KIAA1328: variants seen among roughly 807,000 people sequenced by gnomAD.
KIAA1328 encodes the protein protein hinderin.
Under a neutral mutation model 68.1 loss-of-function variants are expected in KIAA1328, and 52 were observed. That is an observed-to-expected ratio of 0.76 (90% confidence interval 0.61 to 0.96). KIAA1328 has a LOEUF of 0.96. Ranked by LOEUF, KIAA1328 falls within the 40% of genes least tolerant of loss-of-function variation. The pLI, the probability that KIAA1328 is intolerant of heterozygous loss-of-function variation, is 0.00. For synonymous variants in KIAA1328, 232 were observed against 239.4 expected (o/e 0.97, Z 0.28); for missense variants, 641 against 677.6 (o/e 0.95, Z 0.60).
intron 4 of KIAA1328, among the ~76,000 whole-genome samples, chr18:36,865,339 A>G (rs918149655): frequency 6.6e-6 from 1 of 152,106 alleles, no homozygotes; most frequent in African/African-American, 2.4e-5. Context: ...ACCATGCCAT[A>G]TAATTTCCAA....
intron 7 of KIAA1328, among the ~76,000 whole-genome samples, chr18:37,114,798 A>C (rs535250940): frequency 1.3e-5 from 2 of 152,326 alleles, no homozygotes; most frequent in South Asian, 4.2e-4. Flanking sequence ...AAGAGAAAGA[A>C]TCAAATAGAT....
intron 5 of KIAA1328, among the ~76,000 whole-genome samples, chr18:36,916,163 T>A (rs530225041): frequency 6.6e-6 from 1 of 151,998 alleles, no homozygotes; most frequent in South Asian, 2.1e-4. Flanking sequence ...TTGCAGTATA[T>A]TTTCCAACTT....
At chr18:37,161,421 T>C (rs1216249174) in intron 8 of KIAA1328, among the ~76,000 whole-genome samples, 1 of 152,218 alleles carries the variant, frequency 6.6e-6, no homozygotes, top group Non-Finnish European at 1.5e-5. Context: ...GATAATTAGT[T>C]CAAATTTTGG....
chr18:36,921,737 C>T (rs997726321), intron 5 of KIAA1328, among the ~76,000 whole-genome samples: 5 of 152,108 alleles, frequency 3.3e-5, no homozygotes, highest in African/African-American at 7.2e-5. Flanking sequence ...ATCCAACTTA[C>T]AGATTTACTA....
rs58940699 is a variant in KIAA1328, at chr18:37,105,916, C to CAAAAAA, written c.1232+38395_1232+38400dup. On this transcript the variant is annotated intron_variant, in intron 7 of 9. Coordinates refer to ENST00000280020, the MANE Select transcript of KIAA1328 (RefSeq NM_020776.3). ...TGGTTGACAGAGCAAGACTCTGTGT[C>CAAAAAA]AAAAAAAAAAAAAAAAAAAAAAAAA... Among the ~76,000 whole-genome samples the CAAAAAA allele has an allele frequency of 5.8e-3, 113 of 19,500 alleles. 13 individuals are homozygous for CAAAAAA. The highest frequency in any genetic ancestry group is 0.013 in the Non-Finnish European group (98 of 7,382). 12.8% of individuals were successfully genotyped at this position (19,500 alleles called of 152,430 possible). A position where few individuals can be genotyped will look rare whatever the true frequency, so the allele number is the denominator to read the frequency against.
intron 4 of KIAA1328, among the ~76,000 whole-genome samples, chr18:36,884,644 G>T (rs922963782): frequency 6.6e-6 from 1 of 152,152 alleles, no homozygotes; most frequent in African/African-American, 2.4e-5. Flanking sequence ...CAAAGAAAAG[G>T]TTTAGATTCC....
chr18:37,099,124 A>G (rs557463297), intron 7 of KIAA1328, among the ~76,000 whole-genome samples: 2 of 152,004 alleles, frequency 1.3e-5, no homozygotes, highest in Non-Finnish European at 2.9e-5. Context: ...TAGCTTTTGA[A>G]TGTGTTTGCT....
chr18:37,172,036 G>C (rs532653881), intron 8 of KIAA1328, among the ~76,000 whole-genome samples: 33 of 152,318 alleles, frequency 2.2e-4, no homozygotes, highest in Non-Finnish European at 3.7e-4. Context: ...CTCTATGCCT[G>C]ATGATTTCAG....
At chr18:37,226,049 A>G (rs2060634698), downstream of KIAA1328, among the ~76,000 whole-genome samples, 2 of 152,172 alleles carry the variant, frequency 1.3e-5, no homozygotes, top group African/African-American at 4.8e-5. Context: ...ATACCCTGTG[A>G]ATAGCCCAGA....
At chr18:37,085,178 G>T (rs1293793615) in intron 7 of KIAA1328, among the ~76,000 whole-genome samples, 1 of 152,128 alleles carries the variant, frequency 6.6e-6, no homozygotes, top group Non-Finnish European at 1.5e-5. Flanking sequence ...GCTGAGGCAG[G>T]TCTGAATGCT....
chr18:36,834,949 G>T (rs1284591059), intron 2 of KIAA1328, among the ~76,000 whole-genome samples: 1 of 152,106 alleles, frequency 6.6e-6, no homozygotes, highest in Non-Finnish European at 1.5e-5. Flanking sequence ...TGGGAGGATT[G>T]CTTGAGCCCA....
chr18:37,092,023 G>T (rs1397656376), intron 7 of KIAA1328, among the ~76,000 whole-genome samples: 1 of 152,034 alleles, frequency 6.6e-6, no homozygotes, highest in Non-Finnish European at 1.5e-5. Context: ...CCTTAGGCTA[G>T]GCCCATTCTA....
intron 5 of KIAA1328, among the ~76,000 whole-genome samples, chr18:36,941,233 A>G (rs912606761): frequency 6.6e-6 from 1 of 152,028 alleles, no homozygotes; most frequent in East Asian, 1.9e-4. Context: ...TACATGTATA[A>G]TTTTTTTCTC....
At chr18:37,199,390 C>T (rs1405323414) in intron 9 of KIAA1328, among the ~76,000 whole-genome samples, 1 of 152,118 alleles carries the variant, frequency 6.6e-6, no homozygotes, top group Non-Finnish European at 1.5e-5. Flanking sequence ...GGATAATGGC[C>T]TCCAGCTTCA....
intron 5 of KIAA1328, among the ~76,000 whole-genome samples, chr18:36,950,531 A>G (rs2051115798): frequency 6.6e-6 from 1 of 152,138 alleles, no homozygotes; most frequent in Non-Finnish European, 1.5e-5. Flanking sequence ...ACTTTATGGT[A>G]TTTACTATGA....
chr18:37,033,537 C>G (rs1245374431), intron 6 of KIAA1328, among the ~76,000 whole-genome samples: 1 of 152,172 alleles, frequency 6.6e-6, no homozygotes, highest in Non-Finnish European at 1.5e-5. Flanking sequence ...ATCAACCATT[C>G]TGACTAGACA....
intron 7 of KIAA1328, among the ~76,000 whole-genome samples, chr18:37,146,757 C>T (rs143337646): frequency 7.2e-5 from 11 of 152,256 alleles, no homozygotes; most frequent in African/African-American, 1.4e-4. Context: ...ATAGTGTTAA[C>T]GCTGTGCAAC....
chr18:37,150,940 A>G lies in KIAA1328; in HGVS notation c.1233-9260A>G, dbSNP rs192754117. The stretch of plus-strand genomic sequence containing the variant: ...TCCACTCTTACCACTTTTATTCAGC[A>G]TTGTCTGGGAGGTTCTGGTGTGATC... On this transcript the variant is annotated intron_variant, in intron 7 of 9. Coordinates refer to ENST00000280020, the MANE Select transcript of KIAA1328 (RefSeq NM_020776.3). Among the ~76,000 whole-genome samples, 911 of 152,244 alleles carry G rather than the reference A, an allele frequency of 6.0e-3. 3 individuals are homozygous for G. The highest frequency in any genetic ancestry group is 8.1e-3 in the Non-Finnish European group (552 of 68,002).
intron 7 of KIAA1328, among the ~76,000 whole-genome samples, chr18:37,120,052 C>G (rs1311944644): frequency 6.6e-6 from 1 of 152,130 alleles, no homozygotes; most frequent in Non-Finnish European, 1.5e-5. Context: ...TATGGCAACT[C>G]TCCTGATTAT....
Sources: allele counts gnomAD v4.1 joint callset (sites outside exome capture counted in the v4.1 genomes callset), GRCh38; gene constraint gnomAD v4.1.1; transcripts MANE v1.5; gene names NCBI Gene and HGNC (gene_info 2026-07-23, HGNC 2026-07-21).